The following TMEM132D variants were observed in gnomAD, a reference collection of about 807,000 sequenced individuals.
The protein encoded by TMEM132D is transmembrane protein 132D.
In TMEM132D, 21 loss-of-function variants were observed where a neutral mutation model predicts 62.3. The observed-to-expected ratio is 0.34, with a 90% confidence interval of 0.24 to 0.49. TMEM132D has a LOEUF of 0.49. TMEM132D is among the 20% of genes least tolerant of loss of function. TMEM132D has a pLI of 0.99. For missense variants in TMEM132D, 1,346 were observed against 1,402.8 expected (o/e 0.96, Z 0.65); for synonymous variants, 621 against 575.6 (o/e 1.08, Z -1.13).
intron 3 of TMEM132D, among the ~76,000 whole-genome samples, chr12:129,492,916 T>G (rs1874843123): frequency 6.6e-6 from 1 of 152,120 alleles, no homozygotes; most frequent in Non-Finnish European, 1.5e-5. Flanking sequence ...CTGGGATGGC[T>G]GCTAAACAGC....
intron 3 of TMEM132D, among the ~76,000 whole-genome samples, chr12:129,446,344 T>A (rs1165341453): frequency 6.6e-6 from 1 of 152,160 alleles, no homozygotes; most frequent in Admixed American, 6.5e-5. Context: ...GATGTCAGGC[T>A]TTTTGCAACA....
chr12:129,737,515 C>A (rs1869466371), intron 1 of TMEM132D, among the ~76,000 whole-genome samples: 1 of 152,118 alleles, frequency 6.6e-6, no homozygotes, highest in South Asian at 2.1e-4. Context: ...AAATCCTAGC[C>A]CCACCTAGAA....
At chr12:129,677,175 A>G (rs1224323821) in intron 2 of TMEM132D, among the ~76,000 whole-genome samples, 1 of 152,118 alleles carries the variant, frequency 6.6e-6, no homozygotes, top group Non-Finnish European at 1.5e-5. Context: ...CAATTCCCAC[A>G]TGTCATGAGA....
In TMEM132D at chr12:129,542,159, A is replaced by G. The variant is rs548741156; in HGVS notation, c.969-10954T>C. 3.3e-5 allele frequency among the ~76,000 whole-genome samples: 5 copies of G among 152,316 alleles called. No homozygotes were observed. The South Asian group carries it at 1.0e-3, about 32-fold the overall frequency. Reference sequence around the variant, plus strand: ...GGGCCTCCCCAGCACCTACTATTTCAGAACACTCAACTAACTTCCATGTTC... The same window carrying G: ...GGGCCTCCCCAGCACCTACTATTTCGGAACACTCAACTAACTTCCATGTTC... On this transcript the variant is annotated intron_variant, in intron 2 of 8. Coordinates refer to ENST00000422113, the MANE Select transcript of TMEM132D (RefSeq NM_133448.3).
At chr12:129,662,460 G>A (rs1366204736) in intron 2 of TMEM132D, among the ~76,000 whole-genome samples, 1 of 151,890 alleles carries the variant, frequency 6.6e-6, no homozygotes, top group African/African-American at 2.4e-5. Context: ...GGCTTTTTTT[G>A]GCCAAGACTC....
chr12:129,770,948 TTTAG>T (rs1202068627), intron 1 of TMEM132D, among the ~76,000 whole-genome samples: 3 of 152,200 alleles, frequency 2.0e-5, no homozygotes, highest in African/African-American at 4.8e-5. Context: ...TTGTCCTGTG[TTTAG>T]TTAAATACTC....
intron 5 of TMEM132D, among the ~76,000 whole-genome samples, chr12:129,097,682 G>A (rs1441677650): frequency 6.6e-6 from 1 of 152,148 alleles, no homozygotes; most frequent in African/African-American, 2.4e-5. Flanking sequence ...TGTCAACTCT[G>A]GGCTAATCAT....
chr12:129,372,819 G>C (rs945565680), intron 3 of TMEM132D, among the ~76,000 whole-genome samples: 1 of 151,966 alleles, frequency 6.6e-6, no homozygotes, highest in Non-Finnish European at 1.5e-5. Context: ...TAATTATTTC[G>C]TTATATGTTA....
chr12:129,523,022 G>T (rs1162467643), intron 3 of TMEM132D, among the ~76,000 whole-genome samples: 2 of 152,118 alleles, frequency 1.3e-5, no homozygotes, highest in Non-Finnish European at 2.9e-5. Flanking sequence ...TACAGACATA[G>T]AAATTTTTTT....
intron 1 of TMEM132D, among the ~76,000 whole-genome samples, chr12:129,815,091 T>C (rs1311608990): frequency 6.6e-6 from 1 of 152,260 alleles, no homozygotes; most frequent in Non-Finnish European, 1.5e-5. Flanking sequence ...AGATGCTTAA[T>C]GAATATTTGT....
chr12:129,320,249 A>T (rs1868646045), intron 4 of TMEM132D, among the ~76,000 whole-genome samples: 1 of 152,238 alleles, frequency 6.6e-6, no homozygotes, highest in South Asian at 2.1e-4. Context: ...TTTGGGTCCA[A>T]AACTGAGACT....
chr12:129,442,786 T>A (rs1013914958), intron 3 of TMEM132D, among the ~76,000 whole-genome samples: 12 of 152,128 alleles, frequency 7.9e-5, no homozygotes, highest in African/African-American at 2.9e-4. Context: ...AGGAGTCAAA[T>A]ACATCTCATG....
At chr12:129,673,393 C>T (rs146663658) in intron 2 of TMEM132D, among the ~76,000 whole-genome samples, 4 of 152,256 alleles carry the variant, frequency 2.6e-5, no homozygotes, top group African/African-American at 4.8e-5. Context: ...CGTACAGATC[C>T]GTTTTTCCAT....
intron 3 of TMEM132D, among the ~76,000 whole-genome samples, chr12:129,341,964 T>C (rs1297197635): frequency 6.6e-6 from 1 of 152,146 alleles, no homozygotes; most frequent in South Asian, 2.1e-4. Flanking sequence ...TGCTCATGGG[T>C]AGGAAGAATC....
chr12:129,300,655 T>C (rs1289920938), intron 4 of TMEM132D, among the ~76,000 whole-genome samples: 1 of 152,216 alleles, frequency 6.6e-6, no homozygotes, highest in African/African-American at 2.4e-5. Context: ...GCTGAATATT[T>C]ATTAACAAAG....
intron 5 of TMEM132D, among the ~76,000 whole-genome samples, chr12:129,144,284 A>G (rs1593275522): frequency 6.6e-6 from 1 of 152,142 alleles, no homozygotes; most frequent in African/African-American, 2.4e-5. Flanking sequence ...GTTCCAATAA[A>G]TCATGTCTCC....
At chr12:129,335,614 C>A (rs1593341467) in intron 4 of TMEM132D, among the ~76,000 whole-genome samples, 1 of 152,140 alleles carries the variant, frequency 6.6e-6, no homozygotes, top group African/African-American at 2.4e-5. Context: ...TCGTAATGAC[C>A]AATGAAAAAT....
At chr12:129,444,864 G>T (rs1329463733) in intron 3 of TMEM132D, among the ~76,000 whole-genome samples, 1 of 152,184 alleles carries the variant, frequency 6.6e-6, no homozygotes, top group Non-Finnish European at 1.5e-5. Context: ...AAATAGGAAT[G>T]CTTACACACT....
intron 4 of TMEM132D, among the ~76,000 whole-genome samples, chr12:129,235,312 C>A (rs1294682552): frequency 6.6e-6 from 1 of 151,800 alleles, no homozygotes; most frequent in South Asian, 2.1e-4. Flanking sequence ...GCAACAATCA[C>A]CATAATCCAG....
Sources: gnomAD v4.1 joint callset for allele counts (sites outside exome capture counted in the v4.1 genomes callset) on GRCh38, gnomAD v4.1.1 for gene constraint, MANE v1.5 for transcripts, NCBI Gene and HGNC (gene_info 2026-07-23, HGNC 2026-07-21) for gene names.